Variants in ARHGAP25 observed in about 807,000 individuals in gnomAD.
ARHGAP25 encodes the protein Rho GTPase activating protein 25.
Under a neutral mutation model 71.0 loss-of-function variants are expected in ARHGAP25, and 34 were observed. The ratio of observed to expected loss-of-function variants is 0.48; its 90% CI spans 0.36 to 0.64. The LOEUF is 0.64. ARHGAP25 is among the 30% of genes least tolerant of loss of function. The pLI is 0.00. For synonymous variants in ARHGAP25, 282 were observed against 296.5 expected (o/e 0.95, Z 0.50); for missense variants, 706 against 805.1 (o/e 0.88, Z 1.49).
intron 5 of ARHGAP25, among the ~76,000 whole-genome samples, chr2:68,810,149 A>T (rs79428498): frequency 0.033 from 4,784 of 147,126 alleles, 238 homozygotes; most frequent in African/African-American, 0.11. Flanking sequence ...AAAAAAAAAG[A>T]ATCATTTAAG....
intron 10 of ARHGAP25, among the ~76,000 whole-genome samples, chr2:68,823,851 C>T (rs1252590122): frequency 1.3e-5 from 2 of 152,190 alleles, no homozygotes; most frequent in Non-Finnish European, 2.9e-5. Context: ...ACAATTTGTT[C>T]TCTTGGGTAG....
intron 2 of ARHGAP25, among the ~76,000 whole-genome samples, chr2:68,712,739 T>C (rs1395456446): frequency 6.6e-6 from 1 of 152,206 alleles, no homozygotes; most frequent in Non-Finnish European, 1.5e-5. Context: ...CTAGCCAGTT[T>C]TCCCAGCACC....
At chr2:68,786,869 G>A (rs1224635406) in intron 3 of ARHGAP25, among the ~76,000 whole-genome samples, 2 of 152,194 alleles carry the variant, frequency 1.3e-5, no homozygotes, top group Non-Finnish European at 2.9e-5. Flanking sequence ...GCTTACGAAG[G>A]CACTTTGAAA....
chr2:68,822,450 T>G lies in ARHGAP25; in HGVS notation c.1311T>G (p.Ser437=), dbSNP rs1262023394. The G allele has an allele frequency of 6.2e-7, 1 of 1,614,110 alleles. No individual in the cohort carries two copies. Among genetic ancestry groups the G allele is most frequent in the African/African-American group, 1.3e-5 (1 of 75,000 alleles). The change falls in exon 10 of 11, where the codon TCT becomes TCG. Residue 437 remains serine, a synonymous_variant. Coordinates refer to ENST00000409202, the MANE Select transcript of ARHGAP25 (RefSeq NM_001007231.3). The stretch of plus-strand genomic sequence containing the variant: ...AGCCAGGAGACTGGAAAATGCAATC[T>G]CGTAAAAGGACTCAAACACTCCCTA... ...REKPGDWKMQ[S]RKRTQTLPNR... is the part of the protein sequence containing the mutation.
At chr2:68,775,076 G>T in intron 1 of ARHGAP25, 145 bp from the exon 2 acceptor site, 1 of 1,542,922 alleles carries the variant, frequency 6.5e-7, no homozygotes, top group Non-Finnish European at 8.7e-7. Context: ...GACTTTCTCT[G>T]GCTCAGATCC....
chr2:68,768,233 A>T (rs901372197), intron 1 of ARHGAP25, among the ~76,000 whole-genome samples: 1 of 152,168 alleles, frequency 6.6e-6, no homozygotes, highest in African/African-American at 2.4e-5. Context: ...AAGTGCTTGC[A>T]CTGTGGCTGG....
At chr2:68,810,481 T>G (rs1331282278) in intron 5 of ARHGAP25, among the ~76,000 whole-genome samples, 1 of 152,166 alleles carries the variant, frequency 6.6e-6, no homozygotes, top group Non-Finnish European at 1.5e-5. Flanking sequence ...CAGGATTATT[T>G]TTGGTGAAAT....
intron 4 of ARHGAP25, among the ~76,000 whole-genome samples, chr2:68,806,092 G>A (rs998682703): frequency 6.6e-6 from 1 of 152,184 alleles, no homozygotes; most frequent in African/African-American, 2.4e-5. Context: ...TGGAGGCAGG[G>A]TAATTTGGGA....
In ARHGAP25 at chr2:68,748,319, G is replaced by A. The variant is rs554718922; in HGVS notation, c.61+13059G>A. On this transcript the variant is annotated intron_variant, in intron 1 of 10. Coordinates refer to ENST00000409202, the MANE Select transcript of ARHGAP25 (RefSeq NM_001007231.3). ...GTTCAAATATTATCTCTTCAAAGAG[G>A]TCTTTCCTGACCCTAGCATATAATT... Among the ~76,000 whole-genome samples, 204 of 152,280 alleles carry A rather than the reference G, an allele frequency of 1.3e-3. 1 individual carries two copies. Among genetic ancestry groups the A allele is most frequent in the Middle Eastern group, 3.4e-3 (1 of 294 alleles).
Position 68,722,565 on chromosome 2 carries a change from G to C in ARHGAP25, c.-18+11867G>C, listed in dbSNP as rs552603455. Among the ~76,000 whole-genome samples the C allele has an allele frequency of 2.5e-4, 35 of 139,886 alleles. 1 individual carries two copies. The South Asian group carries it at 7.7e-3, about 31-fold the overall frequency. The allele number at this position is 139,886 out of a possible 152,430, so 91.8% of individuals were successfully genotyped here. On this transcript the variant is annotated intron_variant and NMD_transcript_variant, in intron 2 of 7. Coordinates refer to the ARHGAP25 transcript ENST00000463483. ...TGCACTCCAGCTTGGATGACAGAGC[G>C]AGACCCTGTCTGAAAAAAAAAAAAA...
At chr2:68,720,336 A>G (rs1205278581) in intron 2 of ARHGAP25, among the ~76,000 whole-genome samples, 1 of 151,232 alleles carries the variant, frequency 6.6e-6, no homozygotes, top group African/African-American at 2.4e-5. Flanking sequence ...AAAAAAAAGA[A>G]AAGAAAAGAA....
At chr2:68,817,662 C>G (rs1010997905) in intron 7 of ARHGAP25, among the ~76,000 whole-genome samples, 2 of 152,176 alleles carry the variant, frequency 1.3e-5, no homozygotes, top group Non-Finnish European at 2.9e-5. Flanking sequence ...CCCACCCCAG[C>G]AGCTGGGCAG....
At chr2:68,795,546 T>A (rs1679478337) in intron 4 of ARHGAP25, among the ~76,000 whole-genome samples, 1 of 152,200 alleles carries the variant, frequency 6.6e-6, no homozygotes, top group Non-Finnish European at 1.5e-5. Context: ...TAGCATGTTA[T>A]TTAGTTTCCA....
At chr2:68,781,054 C>A (rs918779093) in intron 2 of ARHGAP25, among the ~76,000 whole-genome samples, 2 of 152,142 alleles carry the variant, frequency 1.3e-5, no homozygotes, top group African/African-American at 4.8e-5. Context: ...ATAAATCTTG[C>A]TATGCTCTGG....
At chr2:68,810,128 TAA>T (rs11332513) in intron 5 of ARHGAP25, among the ~76,000 whole-genome samples, 2,892 of 129,062 alleles carry the variant, frequency 0.022, 62 homozygotes, top group African/African-American at 0.064. Context: ...AGCCCTTGAT[TAA>T]AAAAAAAAAA....
intron 2 of ARHGAP25, among the ~76,000 whole-genome samples, chr2:68,727,349 G>A (rs1403101699): frequency 1.3e-5 from 2 of 152,112 alleles, no homozygotes; most frequent in African/African-American, 4.8e-5. Flanking sequence ...AAAGTATTAT[G>A]CTTTTCTTCT....
intron 5 of ARHGAP25, among the ~76,000 whole-genome samples, chr2:68,809,359 G>A (rs1680612490): frequency 6.6e-6 from 1 of 152,226 alleles, no homozygotes; most frequent in African/African-American, 2.4e-5. Context: ...GGCTGACTTT[G>A]GGATCATAGA....
chr2:68,777,565 G>A (rs6711074), intron 2 of ARHGAP25, among the ~76,000 whole-genome samples: 2,948 of 152,242 alleles, frequency 0.019, 100 homozygotes, highest in African/African-American at 0.065. Context: ...ATTAGCCTGA[G>A]ATAATTAGGT....
intron 1 of ARHGAP25, among the ~76,000 whole-genome samples, chr2:68,761,712 C>T (rs527464008): frequency 2.0e-5 from 3 of 152,108 alleles, no homozygotes; most frequent in Non-Finnish European, 2.9e-5. Context: ...ATGATGGCTG[C>T]TATTAAAAAA....
Sources: gnomAD v4.1 joint callset for allele counts (sites outside exome capture counted in the v4.1 genomes callset) on GRCh38, gnomAD v4.1.1 for gene constraint, MANE v1.5 for transcripts, NCBI Gene and HGNC (gene_info 2026-07-23, HGNC 2026-07-21) for gene names.